C1orf198: variants seen among roughly 807,000 people sequenced by gnomAD.
The protein encoded by C1orf198 is uncharacterized protein C1orf198.
Under a neutral mutation model 31.4 loss-of-function variants are expected in C1orf198, and 17 were observed. That is an observed-to-expected ratio of 0.54 (90% CI 0.37 to 0.81). C1orf198 has a LOEUF of 0.81. Among genes scored for constraint, C1orf198 ranks in the 40% least tolerant of loss-of-function variants. The probability of loss-of-function intolerance (pLI) is 0.00; values close to 1 mark genes in which losing one functional copy is unlikely to be tolerated. For synonymous variants in C1orf198, 175 were observed against 193.8 expected (o/e 0.90, Z 0.81); for missense variants, 401 against 450.3 (o/e 0.89, Z 0.99).
At chr1:230,864,519 C>T (rs1029754060) in intron 1 of C1orf198, among the ~76,000 whole-genome samples, 3 of 152,166 alleles carry the variant, frequency 2.0e-5, no homozygotes, top group African/African-American at 4.8e-5. Flanking sequence ...TGGAGGGACA[C>T]GGCAGTGGAT....
In C1orf198 at chr1:230,864,257, ACACAGGCCCCT is replaced by A. The variant is rs763902991; in HGVS notation, c.333+3912_333+3922del. On this transcript the variant is annotated intron_variant, in intron 1 of 3. Coordinates refer to ENST00000366663, the MANE Select transcript of C1orf198 (RefSeq NM_032800.3). ...AAAGCAAACCTCTAGGCTGGCCAGC[ACACAGGCCCCT>A]AGGTTTGCAGAAAGGTCTTTTGCAG... Among the ~76,000 whole-genome samples, 471 of 152,330 alleles carry A rather than the reference ACACAGGCCCCT, an allele frequency of 3.1e-3. 1 individual carries two copies. Among genetic ancestry groups the A allele is most frequent in the Non-Finnish European group, 5.5e-3 (371 of 68,036 alleles).
intron 1 of C1orf198, among the ~76,000 whole-genome samples, chr1:230,867,574 A>C (rs1161234267): frequency 6.6e-6 from 1 of 152,194 alleles, no homozygotes; most frequent in Non-Finnish European, 1.5e-5. Flanking sequence ...GCTCACTTGG[A>C]AAACATCTTA....
At chr1:230,860,409 A>G (rs1669980350) in intron 1 of C1orf198, among the ~76,000 whole-genome samples, 1 of 152,226 alleles carries the variant, frequency 6.6e-6, no homozygotes, top group Non-Finnish European at 1.5e-5. Flanking sequence ...TTATACCCCG[A>G]TGTTTATAGC....
chr1:230,864,711 G>A (rs1187559969), intron 1 of C1orf198, among the ~76,000 whole-genome samples: 1 of 152,114 alleles, frequency 6.6e-6, no homozygotes, highest in Non-Finnish European at 1.5e-5. Flanking sequence ...AGCTGCCAAA[G>A]CTCCCCCAGT....
Position 230,843,272 on chromosome 1 carries a change from G to T in C1orf198, c.927+82C>A. 1 of 1,467,366 alleles carries T rather than the reference G, an allele frequency of 6.8e-7. No individual in the cohort carries two copies. The highest frequency in any genetic ancestry group is 2.3e-5 in the Admixed American group (1 of 44,396). 90.9% of individuals were successfully genotyped at this position (1,467,366 alleles called of 1,614,324 possible). ...AAAAGAGCATGGGCACCTGTGGCCT[G>T]CCTGCTTTGTGGGGGACCCTCTCGG... is the stretch of plus-strand genomic sequence containing the variant. On this transcript the variant is annotated intron_variant, in intron 3 of 3. Coordinates refer to ENST00000366663, the MANE Select transcript of C1orf198 (RefSeq NM_032800.3). This position sits in a 1 kb window ranked among gnomAD's most constrained non-coding sequence, Gnocchi z 4.9.
At chr1:230,853,108 A>T (rs1669786228) in intron 2 of C1orf198, among the ~76,000 whole-genome samples, 1 of 152,164 alleles carries the variant, frequency 6.6e-6, no homozygotes, top group African/African-American at 2.4e-5. Flanking sequence ...CCATCAGGCG[A>T]TCAGATGACA....
At chr1:230,866,239 G>A (rs1351684024) in intron 1 of C1orf198, among the ~76,000 whole-genome samples, 1 of 152,142 alleles carries the variant, frequency 6.6e-6, no homozygotes, top group Non-Finnish European at 1.5e-5. Context: ...ATTAACCTAC[G>A]CAGACACTGC....
At position 230,839,419 on chromosome 1, in the gene C1orf198, A is replaced by T. The variant is rs1420790538; in HGVS notation, c.*433T>A. ...CAGCATGCTGATGTCATGGCTGATA[A>T]CATCACCCTCAATCACCCACCAAAA... On this transcript the variant is annotated 3_prime_UTR_variant, in exon 4 of 4. Transcript: ENST00000366663. 1.6e-5 allele frequency: 3 copies of T among 182,838 alleles called. No homozygotes were observed. Among genetic ancestry groups the T allele is most frequent in the African/African-American group, 7.2e-5 (3 of 41,710 alleles). 11.3% of individuals were successfully genotyped at this position (182,838 alleles called of 1,614,324 possible).
chr1:230,846,413 C>T (rs1669588832), intron 2 of C1orf198, among the ~76,000 whole-genome samples: 1 of 152,248 alleles, frequency 6.6e-6, no homozygotes, highest in African/African-American at 2.4e-5. Context: ...CAGACAGCAG[C>T]ACTCTCCCAG....
At chr1:230,863,394 T>C (rs1317930337) in intron 1 of C1orf198, among the ~76,000 whole-genome samples, 1 of 152,240 alleles carries the variant, frequency 6.6e-6, no homozygotes, top group African/African-American at 2.4e-5. Context: ...TCTTCCTTCA[T>C]TTATTCAGAA....
chr1:230,863,975 T>C (rs943542026), intron 1 of C1orf198, among the ~76,000 whole-genome samples: 1 of 152,170 alleles, frequency 6.6e-6, no homozygotes, highest in Non-Finnish European at 1.5e-5. Context: ...TTTTATTTTA[T>C]TTTTTTAATG....
intron 2 of C1orf198, among the ~76,000 whole-genome samples, chr1:230,847,148 G>C (rs1341376292): frequency 7.0e-6 from 1 of 143,186 alleles, no homozygotes; most frequent in Non-Finnish European, 1.5e-5. Context: ...GCATGGCGAC[G>C]CATGCCTGTA....
Position 230,843,466 on chromosome 1 carries a change from C to T in C1orf198, c.815G>A (p.Ser272Asn), listed in dbSNP as rs1429160231. The T allele has an allele frequency of 2.5e-6, 4 of 1,610,086 alleles. No individual in the cohort carries two copies. Among genetic ancestry groups the T allele is most frequent in the Non-Finnish European group, 3.4e-6 (4 of 1,178,262 alleles). ...RERPQPVQAFSSALHEAAPSQ... is the reference protein window; with the variant it reads ...RERPQPVQAFNSALHEAAPSQ... ...GGGGGCAGCCTCGTGCAGTGCACTG[C>T]TGAAGGCCTGGACAGGCTGGGGTCT... The change falls in exon 3 of 4, where the codon AGC becomes AAC. Residue 272 changes from serine to asparagine, a missense_variant. By Grantham distance (46) the Ser-to-Asn change is conservative. Transcript: ENST00000366663. The surrounding 1 kb of genome is among the most constrained non-coding windows in gnomAD (Gnocchi z 4.9).
chr1:230,853,027 G>A (rs1168394040), intron 2 of C1orf198, among the ~76,000 whole-genome samples: 1 of 152,186 alleles, frequency 6.6e-6, no homozygotes, highest in African/African-American at 2.4e-5. Flanking sequence ...CTGGCTTGCT[G>A]GAGACATGTG....
chr1:230,868,474 CGA>C lies in C1orf198; in HGVS notation c.37_38del (p.Ser13GlyfsTer105), dbSNP rs752874359. 3.3e-6 allele frequency: 5 copies of C among 1,513,652 alleles called. No individual in the cohort carries two copies. The highest frequency in any genetic ancestry group is 4.4e-6 in the Non-Finnish European group (5 of 1,124,310). 93.8% of individuals were successfully genotyped at this position (1,513,652 alleles called of 1,614,324 possible). A position where few individuals can be genotyped will look rare whatever the true frequency, so the allele number is the denominator to read the frequency against. On this transcript the variant is annotated frameshift_variant, in exon 1 of 4. Coordinates refer to ENST00000366663, the MANE Select transcript of C1orf198 (RefSeq NM_032800.3). LOFTEE classifies it high-confidence loss of function. ...SMAAAIAASR[S>X]AVMSGNRPLD... Reference sequence around the variant, plus strand: ...GAGGCCGGTTCCCGCTCATGACCGCCGAGCGCGAAGCCGCGATCGCCGCCGCC... The same window carrying C: ...GAGGCCGGTTCCCGCTCATGACCGCCGCGCGAAGCCGCGATCGCCGCCGCC...
At chr1:230,848,111 C>G (rs1383827177) in intron 2 of C1orf198, among the ~76,000 whole-genome samples, 2 of 152,162 alleles carry the variant, frequency 1.3e-5, no homozygotes, top group Non-Finnish European at 2.9e-5. Flanking sequence ...CCCAGCCCTG[C>G]TTGGGTAACA....
At chr1:230,862,566 T>TG (rs1187862990) in intron 1 of C1orf198, among the ~76,000 whole-genome samples, 10 of 152,274 alleles carry the variant, frequency 6.6e-5, no homozygotes, top group African/African-American at 2.4e-4. Flanking sequence ...TACAAAGACA[T>TG]GGAAGTACCT....
chr1:230,837,878 A>G lies in C1orf198; in HGVS notation c.*1974T>C, dbSNP rs939175765. On this transcript the variant is annotated 3_prime_UTR_variant, in exon 4 of 4. Coordinates refer to ENST00000366663, the MANE Select transcript of C1orf198 (RefSeq NM_032800.3). ...ATAATTCCTACAGCCCTCAGCACCA[A>G]GAAGAACTTGGAGGGAATATTGGGC... 3.9e-5 allele frequency: 6 copies of G among 152,236 alleles called. No individual in the cohort carries two copies. Among genetic ancestry groups the G allele is most frequent in the Non-Finnish European group, 8.8e-5 (6 of 68,030 alleles). The allele number at this position is 152,236 out of a possible 1,614,324, so 9.4% of individuals were successfully genotyped here. A position where few individuals can be genotyped will look rare whatever the true frequency, so the allele number is the denominator to read the frequency against.
intron 2 of C1orf198, among the ~76,000 whole-genome samples, chr1:230,854,743 C>T (rs1011792365): frequency 6.6e-6 from 1 of 152,184 alleles, no homozygotes; most frequent in Non-Finnish European, 1.5e-5. Context: ...AAGACACAGT[C>T]GCCAACATGA....
Sources: gnomAD v4.1 joint callset for allele counts (sites outside exome capture counted in the v4.1 genomes callset) on GRCh38, gnomAD v4.1.1 for gene constraint, Gnocchi (gnomAD v3.1) non-coding constraint, MANE v1.5 for transcripts, NCBI Gene and HGNC (gene_info 2026-07-23, HGNC 2026-07-21) for gene names.